The following FERMT2 variants were observed in gnomAD, a reference collection of about 807,000 sequenced individuals.
FERMT2 encodes fermitin family homolog 2.
FERMT2 carries 15 observed loss-of-function variants against 82.7 expected under a neutral mutation model. The ratio of observed to expected loss-of-function variants is 0.18; its 90% CI spans 0.12 to 0.28. FERMT2 has a LOEUF of 0.28. Ranked by LOEUF, FERMT2 falls within the 10% of genes least tolerant of loss-of-function variation. The pLI, the probability that FERMT2 is intolerant of heterozygous loss-of-function variation, is 1.00. For missense variants in FERMT2, 645 were observed against 809.4 expected, an observed-to-expected ratio of 0.80 and a Z score of 2.46; for synonymous variants, 274 against 271.5, an observed-to-expected ratio of 1.01 and a Z score of -0.09.
chr14:52,867,228 C>T (rs1006264316), intron 10 of FERMT2, among the ~76,000 whole-genome samples: 5 of 152,044 alleles, frequency 3.3e-5, no homozygotes, highest in Admixed American at 1.3e-4. Context: ...GCATGAACCA[C>T]CGTGCCCAGC....
chr14:52,945,044 G>A (rs758235480), intron 2 of FERMT2, among the ~76,000 whole-genome samples: 2 of 152,012 alleles, frequency 1.3e-5, no homozygotes, highest in African/African-American at 4.8e-5. Context: ...GGGACTACAG[G>A]TGCGTGCCAT....
chr14:52,858,270 G>T lies in FERMT2; in HGVS notation c.*107C>A. On this transcript the variant is annotated 3_prime_UTR_variant, in exon 15 of 15. Coordinates refer to ENST00000341590, the MANE Select transcript of FERMT2 (RefSeq NM_006832.3). The stretch of plus-strand genomic sequence containing the variant: ...TCTGGTAAGGCAAAGAAGTTTTCAT[G>T]ATAAAATGATAAATTTCAAGCTTAC... 4 of 998,690 alleles carry T rather than the reference G, an allele frequency of 4.0e-6. No homozygotes were observed. Among genetic ancestry groups the T allele is most frequent in the Non-Finnish European group, 4.5e-6 (3 of 663,196 alleles). 61.9% of individuals were successfully genotyped at this position (998,690 alleles called of 1,614,324 possible). A position where few individuals can be genotyped will look rare whatever the true frequency, so the allele number is the denominator to read the frequency against.
chr14:52,950,345 G>C, intron 2 of FERMT2, 67 bp downstream of exon 2: 1 of 1,517,330 alleles, frequency 6.6e-7, no homozygotes. Context: ...CCCCCGTCGT[G>C]AGCCTCTTTC....
At chr14:52,949,356 G>A (rs562594742) in intron 2 of FERMT2, among the ~76,000 whole-genome samples, 6 of 145,126 alleles carry the variant, frequency 4.1e-5, no homozygotes, top group East Asian at 2.1e-4. Flanking sequence ...TCCCAGTGTA[G>A]CTTGAAAACG....
At chr14:52,911,091 A>C (rs554247841) in intron 3 of FERMT2, among the ~76,000 whole-genome samples, 1 of 152,330 alleles carries the variant, frequency 6.6e-6, no homozygotes, top group African/African-American at 2.4e-5. Context: ...GTTTCCCATA[A>C]TGTAATTCCG....
intron 2 of FERMT2, among the ~76,000 whole-genome samples, chr14:52,936,423 A>T (rs1889837992): frequency 6.6e-6 from 1 of 152,190 alleles, no homozygotes; most frequent in Non-Finnish European, 1.5e-5. Context: ...TAAAAATCTG[A>T]TGTCTCCCCC....
At chr14:52,886,104 A>C (rs1449260612) in intron 4 of FERMT2, among the ~76,000 whole-genome samples, 1 of 152,196 alleles carries the variant, frequency 6.6e-6, no homozygotes, top group Non-Finnish European at 1.5e-5. Context: ...ATAAACATAT[A>C]AATTATTCAA....
At chr14:52,884,199 G>A (rs1436738514) in intron 4 of FERMT2, among the ~76,000 whole-genome samples, 1 of 152,170 alleles carries the variant, frequency 6.6e-6, no homozygotes, top group African/African-American at 2.4e-5. Context: ...AACTCACTTA[G>A]CGTTCACAAC....
chr14:52,923,644 A>C (rs1889089032), intron 2 of FERMT2, among the ~76,000 whole-genome samples: 1 of 151,854 alleles, frequency 6.6e-6, no homozygotes, highest in African/African-American at 2.4e-5. Flanking sequence ...CCACCAAGAG[A>C]AGGGGATAGG....
intron 3 of FERMT2, among the ~76,000 whole-genome samples, chr14:52,900,767 TC>T (rs1436979502): frequency 1.3e-5 from 2 of 152,026 alleles, no homozygotes; most frequent in Non-Finnish European, 2.9e-5. Flanking sequence ...CCTTTCCTGT[TC>T]CATTACTGAA....
At chr14:52,936,771 C>G (rs1889854578) in intron 2 of FERMT2, among the ~76,000 whole-genome samples, 1 of 152,166 alleles carries the variant, frequency 6.6e-6, no homozygotes, top group East Asian at 1.9e-4. Flanking sequence ...AAATCCTATC[C>G]TATATGCTAG....
chr14:52,861,310 T>C, intron 12 of FERMT2: 1 of 401,576 alleles, frequency 2.5e-6, no homozygotes, highest in Non-Finnish European at 4.4e-6. Flanking sequence ...AACCTAAGGG[T>C]AGAAATTTGT....
At chr14:52,909,720 G>A (rs1314383814) in intron 3 of FERMT2, among the ~76,000 whole-genome samples, 1 of 151,736 alleles carries the variant, frequency 6.6e-6, no homozygotes, top group African/African-American at 2.4e-5. Flanking sequence ...CCCGGGAGGT[G>A]GAGGCTGCAG....
chr14:52,898,106 T>C (rs1370343195), intron 3 of FERMT2, among the ~76,000 whole-genome samples: 2 of 151,272 alleles, frequency 1.3e-5, no homozygotes, highest in Non-Finnish European at 2.9e-5. Context: ...AACCTGAAAA[T>C]GGAATTAGCA....
chr14:52,894,373 G>A (rs917509665), intron 3 of FERMT2, among the ~76,000 whole-genome samples: 1 of 152,220 alleles, frequency 6.6e-6, no homozygotes, highest in African/African-American at 2.4e-5. Flanking sequence ...AAGATTTAAT[G>A]AGATGCCAGT....
At chr14:52,910,633 A>G (rs1350788575) in intron 3 of FERMT2, among the ~76,000 whole-genome samples, 1 of 152,230 alleles carries the variant, frequency 6.6e-6, no homozygotes, top group East Asian at 1.9e-4. Context: ...TATTACACAG[A>G]AGCATTTTCT....
intron 2 of FERMT2, among the ~76,000 whole-genome samples, chr14:52,921,271 C>T (rs1888941571): frequency 6.6e-6 from 1 of 152,156 alleles, no homozygotes; most frequent in South Asian, 2.1e-4. Flanking sequence ...CATTAAAAAC[C>T]TATTTTAATC....
intron 2 of FERMT2, among the ~76,000 whole-genome samples, chr14:52,930,710 G>A (rs912930564): frequency 6.6e-6 from 1 of 152,102 alleles, no homozygotes; most frequent in Non-Finnish European, 1.5e-5. Context: ...TTTACTAAAC[G>A]ATGACAATAG....
chr14:52,899,289 T>C (rs1031873685), intron 3 of FERMT2, among the ~76,000 whole-genome samples: 15 of 145,760 alleles, frequency 1.0e-4, no homozygotes, highest in African/African-American at 3.8e-4. Flanking sequence ...CTTTTATTTA[T>C]TTATTTTTTT....
Sources: allele counts gnomAD v4.1 joint callset (sites outside exome capture counted in the v4.1 genomes callset), GRCh38; gene constraint gnomAD v4.1.1; transcripts MANE v1.5; gene names NCBI Gene and HGNC (gene_info 2026-07-23, HGNC 2026-07-21).